DCAF12: variants seen among roughly 807,000 people sequenced by gnomAD.
DCAF12 encodes DDB1 and CUL4 associated factor 12.
In DCAF12, 28 loss-of-function variants were observed where a neutral mutation model predicts 52.8. That is an observed-to-expected ratio of 0.53 (90% CI 0.39 to 0.73). DCAF12 has a LOEUF of 0.73. Among genes scored for constraint, DCAF12 ranks in the 30% least tolerant of loss-of-function variants. The probability of loss-of-function intolerance (pLI) is 0.00; values close to 1 mark genes in which losing one functional copy is unlikely to be tolerated. For missense variants in DCAF12, 425 were observed against 552.2 expected, an observed-to-expected ratio of 0.77 and a Z score of 2.31; for synonymous variants, 196 against 215.5, an observed-to-expected ratio of 0.91 and a Z score of 0.79.
In DCAF12 at chr9:34,107,435, A is replaced by G; in HGVS notation, c.464T>C (p.Leu155Pro). 6.2e-7 allele frequency: 1 copy of G among 1,614,184 alleles called. No individual in the cohort carries two copies. The highest frequency in any genetic ancestry group is 8.5e-7 in the Non-Finnish European group (1 of 1,180,026). Residue 155 changes from leucine (L) to proline (P), a missense_variant, in exon 3 of 9, where the codon CTA becomes CCA. By Grantham distance (98) the Leu-to-Pro change is moderately conservative. Coordinates refer to ENST00000361264, the MANE Select transcript of DCAF12 (RefSeq NM_015397.4). ...AIELNPSRTL[L>P]ATGGDNPNSL... Reference sequence around the variant, plus strand: ...GTTGGGGTTGTCTCCTCCAGTGGCTAGCAGTGTTCTAGAAGGATTCAGCTC... The same window carrying G: ...GTTGGGGTTGTCTCCTCCAGTGGCTGGCAGTGTTCTAGAAGGATTCAGCTC...
At chr9:34,096,012 T>C (rs1006907146) in intron 6 of DCAF12, 3 of 152,108 alleles carry the variant, frequency 2.0e-5, no homozygotes, top group Non-Finnish European at 4.4e-5. Flanking sequence ...ACTCAAAATT[T>C]CATGTACTGT....
intron 2 of DCAF12, among the ~76,000 whole-genome samples, chr9:34,112,996 T>C (rs1435515070): frequency 2.6e-5 from 4 of 152,240 alleles, no homozygotes; most frequent in Non-Finnish European, 5.9e-5. Flanking sequence ...ATTTGTGTTG[T>C]GTGAGACAAT....
chr9:34,106,040 ACC>A (rs565717523), intron 4 of DCAF12, among the ~76,000 whole-genome samples: 135 of 150,392 alleles, frequency 9.0e-4, no homozygotes, highest in African/African-American at 3.1e-3. Flanking sequence ...GAGCCACCAC[ACC>A]CGGCCTATAT....
At chr9:34,095,697 G>C (rs956681263) in intron 6 of DCAF12, among the ~76,000 whole-genome samples, 1 of 151,994 alleles carries the variant, frequency 6.6e-6, no homozygotes, top group African/African-American at 2.4e-5. Flanking sequence ...CTGGATTTTG[G>C]AGCATTCTGG....
At chr9:34,120,080 A>G (rs1159134791) in intron 2 of DCAF12, among the ~76,000 whole-genome samples, 1 of 151,472 alleles carries the variant, frequency 6.6e-6, no homozygotes, top group Non-Finnish European at 1.5e-5. Flanking sequence ...GTGGGCGCCT[A>G]TAATCCCAGC....
rs1176919053 is a variant in DCAF12 at position 34,087,098 on chromosome 9, T to C, written c.*1252A>G. ...AGGAACAGACAAATTACTAATCACA[T>C]TGATGCTGTCACATGCACAATGATG... is the stretch of plus-strand genomic sequence containing the variant. On this transcript the variant is annotated 3_prime_UTR_variant, in exon 9 of 9. Transcript: ENST00000361264. 6.6e-6 allele frequency: 1 copy of C among 152,210 alleles called. No homozygotes were observed. The highest frequency in any genetic ancestry group is 1.5e-5 in the Non-Finnish European group (1 of 68,052). The allele number at this position is 152,210 out of a possible 1,614,324, so 9.4% of individuals were successfully genotyped here. A position where few individuals can be genotyped will look rare whatever the true frequency, so the allele number is the denominator to read the frequency against.
At chr9:34,095,594 G>T (rs1403375249) in intron 6 of DCAF12, among the ~76,000 whole-genome samples, 1 of 151,800 alleles carries the variant, frequency 6.6e-6, no homozygotes, top group East Asian at 1.9e-4. Context: ...TTACTGTGTT[G>T]CCCAGGCTAG....
intron 4 of DCAF12, among the ~76,000 whole-genome samples, chr9:34,104,008 C>T (rs1252753533): frequency 6.6e-6 from 1 of 152,154 alleles, no homozygotes; most frequent in Non-Finnish European, 1.5e-5. Flanking sequence ...GTGGCTCACG[C>T]CTGAAATTCC....
Position 34,125,165 on chromosome 9 carries a change from G to A in DCAF12, c.191C>T (p.Ser64Phe), listed in dbSNP as rs201743439. The change falls in exon 2 of 9, where the codon TCT becomes TTT. Residue 64 changes from serine (S) to phenylalanine (F), a missense_variant. By Grantham distance (155) the Ser-to-Phe change is radical. Transcript: ENST00000361264. The part of the protein sequence containing the change: ...EVRLQNETSY[S>F]RVLHGYAAQQ... ...TGCTGCATAACCATGCAACACTCGA[G>A]AGTAGCTGGTTTCATTCTGTAGCCT... The A allele has an allele frequency of 9.9e-5, 160 of 1,614,014 alleles. No homozygotes were observed. Among genetic ancestry groups the A allele is most frequent in the Non-Finnish European group, 1.3e-4 (155 of 1,180,036 alleles).
rs770711560 is a variant in DCAF12 at position 34,093,279 on chromosome 9, C to G, written c.1024+7G>C. 3.7e-5 allele frequency: 59 copies of G among 1,614,022 alleles called. No homozygotes were observed. Among genetic ancestry groups the G allele is most frequent in the Admixed American group, 3.2e-4 (19 of 60,006 alleles). The stretch of plus-strand genomic sequence containing the variant: ...TGTAGGCCTGAGGTGCACACAGGGA[C>G]TCTTACCACTGCCTCGCTCCCTGGA... On this transcript the variant is annotated splice_region_variant and intron_variant, in intron 7 of 8. Coordinates refer to ENST00000361264, the MANE Select transcript of DCAF12 (RefSeq NM_015397.4).
chr9:34,097,958 A>C (rs1828762944), intron 5 of DCAF12, among the ~76,000 whole-genome samples: 1 of 151,904 alleles, frequency 6.6e-6, no homozygotes, highest in African/African-American at 2.4e-5. Context: ...AAAAAAAGGA[A>C]TGAATACCAA....
chr9:34,110,609 G>A (rs1055255152), intron 2 of DCAF12, among the ~76,000 whole-genome samples: 14 of 152,006 alleles, frequency 9.2e-5, no homozygotes, highest in Non-Finnish European at 2.9e-5. Flanking sequence ...GACTCTCCTC[G>A]GGGCCAGACT....
chr9:34,093,882 C>T (rs191747095), intron 6 of DCAF12: 2 of 185,240 alleles, frequency 1.1e-5, no homozygotes, highest in East Asian at 2.6e-4. Flanking sequence ...CACCTTCCCA[C>T]CTGAATGGGA....
At chr9:34,101,085 T>TTTA (rs1554700087) in intron 4 of DCAF12, among the ~76,000 whole-genome samples, 1 of 148,614 alleles carries the variant, frequency 6.7e-6, no homozygotes, top group Admixed American at 6.7e-5. Context: ...TTTTTTTTTT[T>TTTA]AAATGAGACA....
intron 2 of DCAF12, among the ~76,000 whole-genome samples, chr9:34,113,483 G>A (rs191757576): frequency 2.6e-5 from 4 of 152,040 alleles, no homozygotes; most frequent in Admixed American, 2.6e-4. Context: ...GGGATGGCAG[G>A]TGCACACCAC....
At chr9:34,096,339 C>A (rs373170598) in intron 6 of DCAF12, 16 of 197,186 alleles carry the variant, frequency 8.1e-5, no homozygotes, top group East Asian at 5.2e-4. Context: ...TGAGCCATGA[C>A]TGCACTCCAA....
intron 3 of DCAF12, 24 bp downstream of exon 3, chr9:34,107,335 A>G (rs771338520): frequency 1.6e-5 from 25 of 1,611,070 alleles, no homozygotes; most frequent in Non-Finnish European, 1.9e-5. Context: ...GCTCCCTCCA[A>G]CTACAACTAC....
intron 1 of DCAF12, chr9:34,125,560 G>A (rs1023983239): frequency 5.6e-6 from 3 of 538,562 alleles, no homozygotes; most frequent in East Asian, 4.8e-5. Context: ...AGACATTTTA[G>A]GAGTGAAAGA....
At chr9:34,119,452 T>C (rs960243751) in intron 2 of DCAF12, among the ~76,000 whole-genome samples, 1 of 152,218 alleles carries the variant, frequency 6.6e-6, no homozygotes, top group Non-Finnish European at 1.5e-5. Flanking sequence ...TTGTATCTCA[T>C]TTCATTAAAC....
Sources: allele counts gnomAD v4.1 joint callset (sites outside exome capture counted in the v4.1 genomes callset), GRCh38; gene constraint gnomAD v4.1.1; transcripts MANE v1.5; gene names NCBI Gene and HGNC (gene_info 2026-07-23, HGNC 2026-07-21).